GABRA5: variants seen among roughly 807,000 people sequenced by gnomAD.
GABRA5 encodes the protein gamma-aminobutyric acid type A receptor subunit alpha5, also known as gamma-aminobutyric acid receptor subunit alpha-5.
A neutral mutation model predicts 47.3 loss-of-function variants in GABRA5; 18 were observed. The ratio of observed to expected loss-of-function variants is 0.38; its 90% CI spans 0.26 to 0.56. GABRA5 has a LOEUF of 0.56. GABRA5 is among the 20% of genes least tolerant of loss of function. The pLI is 0.71. For missense variants in GABRA5, 365 were observed against 599.3 expected (o/e 0.61, Z 4.08); for synonymous variants, 237 against 229.3 (o/e 1.03, Z -0.30).
At position 26,902,834 on chromosome 15, in the gene GABRA5, A is replaced by G. The variant is rs142188398; in HGVS notation, c.498-11969A>G. Reference sequence around the variant, plus strand: ...GTTCCCCCATATTCCCAATTTACTGAAAGTTTTTATCATAAACAGGTATTA... The same window carrying G: ...GTTCCCCCATATTCCCAATTTACTGGAAGTTTTTATCATAAACAGGTATTA... On this transcript the variant is annotated intron_variant, in intron 6 of 10. Transcript: ENST00000335625. Among the ~76,000 whole-genome samples the G allele has an allele frequency of 2.8e-3, 419 of 152,206 alleles. 3 individuals are homozygous for G. Among genetic ancestry groups the G allele is most frequent in the African/African-American group, 9.7e-3 (404 of 41,544 alleles).
intron 3 of GABRA5, among the ~76,000 whole-genome samples, chr15:26,870,416 G>A (rs1419458591): frequency 1.3e-5 from 2 of 152,184 alleles, no homozygotes; most frequent in Non-Finnish European, 1.5e-5. Flanking sequence ...CATCCACCCC[G>A]GGGCAAGCCT....
At chr15:26,904,796 A>AT (rs1442354155) in intron 6 of GABRA5, among the ~76,000 whole-genome samples, 1 of 151,962 alleles carries the variant, frequency 6.6e-6, no homozygotes, top group African/African-American at 2.4e-5. Context: ...AATGCTACTG[A>AT]TTTTTTATAT....
chr15:26,946,112 T>G (rs1400461114), intron 10 of GABRA5, among the ~76,000 whole-genome samples: 1 of 152,204 alleles, frequency 6.6e-6, no homozygotes, highest in Non-Finnish European at 1.5e-5. Context: ...TGGTTTTGGT[T>G]CACCTGTTTC....
intron 7 of GABRA5, among the ~76,000 whole-genome samples, chr15:26,935,678 C>T (rs1002645019): frequency 2.4e-4 from 37 of 152,250 alleles, no homozygotes; most frequent in African/African-American, 8.4e-4. Context: ...CATCGCGTCT[C>T]ATGTCCTCAG....
At chr15:26,912,592 G>A (rs554561326) in intron 6 of GABRA5, among the ~76,000 whole-genome samples, 36 of 152,226 alleles carry the variant, frequency 2.4e-4, no homozygotes, top group South Asian at 6.2e-4. Context: ...TAAAAGTCCA[G>A]CAACAGCTAA....
chr15:26,879,578 C>A (rs191368533), intron 3 of GABRA5, among the ~76,000 whole-genome samples: 75 of 152,264 alleles, frequency 4.9e-4, no homozygotes, highest in African/African-American at 1.7e-3. Flanking sequence ...ATCAAAAGAG[C>A]ATTATTCCTT....
chr15:26,881,023 C>T (rs1427003281), intron 4 of GABRA5, 56 bp downstream of exon 4: 7 of 1,584,908 alleles, frequency 4.4e-6, no homozygotes, highest in South Asian at 3.5e-5. Flanking sequence ...GCTTAAGTCT[C>T]GTCTCAAGCT....
chr15:26,930,874 TTTTCTTTC>T (rs978275084), intron 7 of GABRA5, among the ~76,000 whole-genome samples: 1 of 150,868 alleles, frequency 6.6e-6, no homozygotes, highest in Non-Finnish European at 1.5e-5. Context: ...TTCTTTTCTT[TTTTCTTTC>T]TTTCTTTCTT....
At chr15:26,910,605 A>C (rs1893558331) in intron 6 of GABRA5, among the ~76,000 whole-genome samples, 1 of 152,056 alleles carries the variant, frequency 6.6e-6, no homozygotes, top group Non-Finnish European at 1.5e-5. Context: ...ATCAAAAAAA[A>C]AAAAAAAATC....
At chr15:26,884,758 A>G (rs1346130597) in intron 6 of GABRA5, among the ~76,000 whole-genome samples, 1 of 152,186 alleles carries the variant, frequency 6.6e-6, no homozygotes, top group Admixed American at 6.5e-5. Flanking sequence ...CTTACAAGGG[A>G]CTGCAGACTG....
Position 26,867,505 on chromosome 15 carries a change from T to G in GABRA5, c.-140+394T>G, listed in dbSNP as rs1297399521. 1.3e-5 allele frequency: 2 copies of G among 151,900 alleles called. No individual in the cohort carries two copies. Among genetic ancestry groups the G allele is most frequent in the African/African-American group, 2.4e-5 (1 of 41,240 alleles). The allele number at this position is 151,900 out of a possible 1,614,324, so 9.4% of individuals were successfully genotyped here. On this transcript the variant is annotated intron_variant, in intron 1 of 10. Coordinates refer to ENST00000335625, the MANE Select transcript of GABRA5 (RefSeq NM_000810.4). The surrounding 1 kb of genome is among the most constrained non-coding windows in gnomAD (Gnocchi z 5.9). ...CGGGGCGCCTGAGCGGCAGGCTGCG[T>G]GGCCGGGGAGGAGAGGTGCAGAGCA...
rs1383991325 is a variant in GABRA5 at position 26,895,550 on chromosome 15, C to T, written c.497+11993C>T. Among the ~76,000 whole-genome samples, 15 of 152,140 alleles carry T rather than the reference C, an allele frequency of 9.9e-5. 2 individuals carry two copies. The South Asian group carries it at 2.9e-3, about 29-fold the overall frequency. On this transcript the variant is annotated intron_variant, in intron 6 of 10. Transcript: ENST00000335625. ...AAATGAGGCTGGGCGCGGTGGTTCACGCCTGTAATCCCAGCACTTTGGGTG... is the reference window on the plus strand; with the variant it reads ...AAATGAGGCTGGGCGCGGTGGTTCATGCCTGTAATCCCAGCACTTTGGGTG...
intron 10 of GABRA5, among the ~76,000 whole-genome samples, chr15:26,945,824 C>T (rs543067962): frequency 1.3e-5 from 2 of 152,020 alleles, no homozygotes; most frequent in Non-Finnish European, 2.9e-5. Flanking sequence ...CCCGCCCCCA[C>T]CCCTGCTGCA....
intron 7 of GABRA5, among the ~76,000 whole-genome samples, chr15:26,936,346 C>T (rs1894243398): frequency 6.6e-6 from 1 of 152,060 alleles, no homozygotes; most frequent in African/African-American, 2.4e-5. Flanking sequence ...TAATATATTC[C>T]AGCCTAGTCA....
chr15:26,875,386 C>T (rs1397921434), intron 3 of GABRA5, among the ~76,000 whole-genome samples: 1 of 152,244 alleles, frequency 6.6e-6, no homozygotes, highest in Non-Finnish European at 1.5e-5. Context: ...GTTCCAGGTA[C>T]TGAGATGCAC....
At chr15:26,869,915 C>G (rs570493626) in intron 3 of GABRA5, among the ~76,000 whole-genome samples, 1 of 152,294 alleles carries the variant, frequency 6.6e-6, no homozygotes, top group South Asian at 2.1e-4. Context: ...TTCCAGTAAC[C>G]CCTCTTTCAT....
At chr15:26,881,272 C>T (rs1399700569) in intron 4 of GABRA5, among the ~76,000 whole-genome samples, 1 of 152,192 alleles carries the variant, frequency 6.6e-6, no homozygotes, top group African/African-American at 2.4e-5. Context: ...AATGTCTAGT[C>T]TGGTTAACTT....
At chr15:26,879,032 G>C (rs1357680333) in intron 3 of GABRA5, among the ~76,000 whole-genome samples, 1 of 152,188 alleles carries the variant, frequency 6.6e-6, no homozygotes, top group African/African-American at 2.4e-5. Flanking sequence ...CTTGTCTCTG[G>C]ACAGCCAGGG....
chr15:26,875,947 G>A (rs1393873886), intron 3 of GABRA5, among the ~76,000 whole-genome samples: 1 of 152,158 alleles, frequency 6.6e-6, no homozygotes, highest in Non-Finnish European at 1.5e-5. Context: ...AGGTGAGAGG[G>A]GGTTAACCCG....
Sources: gnomAD v4.1 joint callset for allele counts (sites outside exome capture counted in the v4.1 genomes callset) on GRCh38, gnomAD v4.1.1 for gene constraint, Gnocchi (gnomAD v3.1) non-coding constraint, MANE v1.5 for transcripts, NCBI Gene and HGNC (gene_info 2026-07-23, HGNC 2026-07-21) for gene names.